The following KLF8 variants were observed in gnomAD, a reference collection of about 807,000 sequenced individuals.
KLF8 encodes Krueppel-like factor 8.
In KLF8, 10 loss-of-function variants were observed where a neutral mutation model predicts 18.2. The ratio of observed to expected loss-of-function variants is 0.55; its 90% CI spans 0.34 to 0.93. KLF8 has a LOEUF of 0.93. Ranked by LOEUF, KLF8 falls within the 40% of genes least tolerant of loss-of-function variation. The pLI is 0.02. For synonymous variants in KLF8, 109 were observed against 97.3 expected (o/e 1.12, Z -0.71); for missense variants, 264 against 277.9 (o/e 0.95, Z 0.36).
the KLF8 span, among the ~76,000 whole-genome samples, chrX:56,210,323 A>G: frequency 9.0e-6 from 1 of 111,612 alleles, no homozygotes; most frequent in African/African-American, 3.3e-5. Flanking sequence ...ATTCTGGGAT[A>G]AGTTTATTTT....
At chrX:55,914,603 G>A in the KLF8 span, among the ~76,000 whole-genome samples, 6 of 111,462 alleles carry the variant, frequency 5.4e-5, no homozygotes, top group Admixed American at 9.6e-5. Context: ...GGGGTTAGAC[G>A]GTCAGAGAAG....
chrX:56,086,695 A>AAGT, the KLF8 span, among the ~76,000 whole-genome samples: 175 of 110,449 alleles, frequency 1.6e-3, 1 homozygote, highest in East Asian at 0.041. Flanking sequence ...TGGTTAGTAG[A>AAGT]AGTAGTAGTA....
chrX:56,106,233 TA>T, the KLF8 span, among the ~76,000 whole-genome samples: 3 of 111,552 alleles, frequency 2.7e-5, no homozygotes, highest in African/African-American at 9.8e-5. Flanking sequence ...TGTGGCATTC[TA>T]TGTATTTCCT....
chrX:56,119,405 G>T, the KLF8 span, among the ~76,000 whole-genome samples: 1 of 110,466 alleles, frequency 9.1e-6, no homozygotes, highest in Non-Finnish European at 1.9e-5. Context: ...ACCAGGTTCC[G>T]CTTATTATTA....
At chrX:56,087,249 G>C in the KLF8 span, among the ~76,000 whole-genome samples, 5 of 110,778 alleles carry the variant, frequency 4.5e-5, no homozygotes, top group African/African-American at 1.6e-4. Flanking sequence ...GTTTGGATCT[G>C]TATCCCCACC....
chrX:56,035,550 C>T, the KLF8 span, among the ~76,000 whole-genome samples: 3 of 111,970 alleles, frequency 2.7e-5, no homozygotes, highest in African/African-American at 9.7e-5. Flanking sequence ...TCATACTGTT[C>T]ATTATAGTGG....
At chrX:56,156,087 G>C in the KLF8 span, among the ~76,000 whole-genome samples, 1 of 111,736 alleles carries the variant, frequency 8.9e-6, no homozygotes. Context: ...GCATGTCTTT[G>C]TTATTATGAA....
chrX:56,087,667 G>A, the KLF8 span, among the ~76,000 whole-genome samples: 1 of 111,477 alleles, frequency 9.0e-6, no homozygotes, highest in Admixed American at 9.6e-5. Flanking sequence ...AGTATTCCAA[G>A]CAAAGCTGCC....
chrX:56,006,925 G>C, the KLF8 span, among the ~76,000 whole-genome samples: 1 of 111,743 alleles, frequency 8.9e-6, no homozygotes, highest in Non-Finnish European at 1.9e-5. Context: ...GTGTGCTTGG[G>C]TGTCAGTGTC....
chrX:56,167,374 C>T, the KLF8 span, among the ~76,000 whole-genome samples: 2 of 112,011 alleles, frequency 1.8e-5, no homozygotes, highest in Non-Finnish European at 3.8e-5. Flanking sequence ...AAATGATCTG[C>T]TCGTCTATGC....
At chrX:56,118,766 A>G in the KLF8 span, among the ~76,000 whole-genome samples, 1 of 112,231 alleles carries the variant, frequency 8.9e-6, no homozygotes, top group African/African-American at 3.2e-5. Context: ...GCCAATAATA[A>G]TGTTCTTCCT....
At chrX:56,204,617 G>GT in the KLF8 span, among the ~76,000 whole-genome samples, 445 of 109,570 alleles carry the variant, frequency 4.1e-3, 1 homozygote, top group Middle Eastern at 0.029. Flanking sequence ...TTTCTTTAGG[G>GT]TTTTTTTTTA....
the KLF8 span, among the ~76,000 whole-genome samples, chrX:56,124,353 G>A: frequency 8.9e-6 from 1 of 111,862 alleles, no homozygotes; most frequent in Non-Finnish European, 1.9e-5. Context: ...GTCAGTTTTT[G>A]TTGAGTAAAT....
At chrX:55,950,788 C>T in the KLF8 span, among the ~76,000 whole-genome samples, 1 of 111,954 alleles carries the variant, frequency 8.9e-6, no homozygotes, top group East Asian at 2.8e-4. Flanking sequence ...CTAATCTCTT[C>T]CTGCTAGACT....
At chrX:56,053,062 CAGAA>C in the KLF8 span, among the ~76,000 whole-genome samples, 1 of 111,893 alleles carries the variant, frequency 8.9e-6, no homozygotes, top group African/African-American at 3.3e-5. Flanking sequence ...TTCTTTGACT[CAGAA>C]AGGGAACTCC....
chrX:56,133,179 A>G, the KLF8 span, among the ~76,000 whole-genome samples: 4 of 111,465 alleles, frequency 3.6e-5, no homozygotes, highest in Non-Finnish European at 7.6e-5. Context: ...GCCAGTAACA[A>G]CCTAATACCA....
the KLF8 span, among the ~76,000 whole-genome samples, chrX:56,222,850 G>A: frequency 9.7e-5 from 11 of 113,158 alleles, no homozygotes; most frequent in African/African-American, 3.2e-4. Context: ...CTCCGAGTGC[G>A]GGGCCAGCCC....
chrX:56,056,803 A>T, the KLF8 span, among the ~76,000 whole-genome samples: 1 of 106,127 alleles, frequency 9.4e-6, no homozygotes, highest in Non-Finnish European at 1.9e-5. Flanking sequence ...GTATATATAA[A>T]AAAAAAAGAA....
At chrX:56,023,485 A>G in the KLF8 span, among the ~76,000 whole-genome samples, 1 of 111,983 alleles carries the variant, frequency 8.9e-6, no homozygotes. Context: ...TGGCTGTGCT[A>G]ACATCAGACC....
Sources: gnomAD v4.1 joint callset for allele counts (sites outside exome capture counted in the v4.1 genomes callset) on GRCh38, gnomAD v4.1.1 for gene constraint, MANE v1.5 for transcripts, NCBI Gene and HGNC (gene_info 2026-07-23, HGNC 2026-07-21) for gene names.